AKT3: variants seen among roughly 807,000 people sequenced by gnomAD.
The protein encoded by AKT3 is RAC-gamma serine/threonine-protein kinase.
Under a neutral mutation model 65.3 loss-of-function variants are expected in AKT3, and 15 were observed. The observed-to-expected ratio is 0.23, with a 90% CI of 0.15 to 0.35. AKT3 has a LOEUF of 0.35. Ranked by LOEUF, AKT3 falls within the 10% of genes least tolerant of loss-of-function variation. The pLI is 1.00. For missense variants in AKT3, 243 were observed against 576.5 expected (o/e 0.42, Z 5.92); for synonymous variants, 206 against 183.8 (o/e 1.12, Z -0.98).
chr1:243,589,884 G>A (rs1676106687), intron 8 of AKT3, among the ~76,000 whole-genome samples: 1 of 152,086 alleles, frequency 6.6e-6, no homozygotes, highest in African/African-American at 2.4e-5. Context: ...TGAAAATGTG[G>A]TATATTTATA....
chr1:243,772,084 C>T (rs1690221266), intron 2 of AKT3, among the ~76,000 whole-genome samples: 1 of 152,170 alleles, frequency 6.6e-6, no homozygotes, highest in Non-Finnish European at 1.5e-5. Flanking sequence ...ACCATAAAAA[C>T]CCTAGAAGAA....
Position 243,850,080 on chromosome 1 carries a change from C to T in AKT3, c.-153G>A, listed in dbSNP as rs1695702859. 7 of 634,104 alleles carry T rather than the reference C, an allele frequency of 1.1e-5. No homozygotes were observed. Among genetic ancestry groups the T allele is most frequent in the South Asian group, 7.2e-5 (1 of 13,908 alleles). 39.3% of individuals were successfully genotyped at this position (634,104 alleles called of 1,614,324 possible). ...CGGCGGTGGCGGCCCCGCAGCTGCT[C>T]GGGCGGCGGCGGAGGATGGAGCCGG... is the stretch of plus-strand genomic sequence containing the variant. On this transcript the variant is annotated 5_prime_UTR_variant, in exon 1 of 14. Coordinates refer to ENST00000673466, the MANE Select transcript of AKT3 (RefSeq NM_005465.7).
intron 2 of AKT3, among the ~76,000 whole-genome samples, chr1:243,837,634 GA>G (rs1424896083): frequency 3.3e-5 from 5 of 151,958 alleles, no homozygotes; most frequent in South Asian, 2.1e-4. Flanking sequence ...AGAATAAAAG[GA>G]AAAAATCAAA....
Position 243,687,755 on chromosome 1 carries a change from A to C in AKT3, c.172+7836T>G, listed in dbSNP as rs192154890. ...AGAAGGAAATATGTGACATTGTTAC[A>C]TTATAGTTTTCTTAAAAATGATCTC... On this transcript the variant is annotated intron_variant, in intron 3 of 13. Coordinates refer to ENST00000673466, the MANE Select transcript of AKT3 (RefSeq NM_005465.7). 18 of 152,296 alleles carry C rather than the reference A, an allele frequency of 1.2e-4. No individual in the cohort carries two copies. The East Asian group carries it at 3.5e-3, about 29-fold the overall frequency. The allele number at this position is 152,296 out of a possible 1,614,324, so 9.4% of individuals were successfully genotyped here.
At chr1:243,522,716 T>TAC (rs1670797939) in intron 12 of AKT3, among the ~76,000 whole-genome samples, 1 of 152,106 alleles carries the variant, frequency 6.6e-6, no homozygotes, top group Admixed American at 6.5e-5. Flanking sequence ...TTTCAATAGA[T>TAC]ACACACACAT....
chr1:243,849,363 C>G (rs562582457), intron 1 of AKT3, among the ~76,000 whole-genome samples: 3 of 151,710 alleles, frequency 2.0e-5, no homozygotes, highest in Admixed American at 1.3e-4. Context: ...CAGACAAGCA[C>G]GTTACCCACC....
intron 11 of AKT3, among the ~76,000 whole-genome samples, chr1:243,545,951 G>A (rs185097316): frequency 2.4e-4 from 37 of 152,234 alleles, no homozygotes; most frequent in Non-Finnish European, 4.7e-4. Flanking sequence ...CACTGCAAGG[G>A]TTAGAAACAA....
chr1:243,521,673 G>A (rs1448008467), intron 12 of AKT3, among the ~76,000 whole-genome samples: 1 of 152,102 alleles, frequency 6.6e-6, no homozygotes, highest in African/African-American at 2.4e-5. Context: ...GGGGCCCAAG[G>A]TATATAACAA....
At chr1:243,546,165 G>T (rs972899134) in intron 11 of AKT3, among the ~76,000 whole-genome samples, 1 of 152,158 alleles carries the variant, frequency 6.6e-6, no homozygotes, top group Non-Finnish European at 1.5e-5. Flanking sequence ...ACATGCCCTT[G>T]CCTGCTGCCC....
At chr1:243,550,916 G>A (rs1382964919) in intron 11 of AKT3, among the ~76,000 whole-genome samples, 2 of 116,570 alleles carry the variant, frequency 1.7e-5, no homozygotes, top group Admixed American at 1.2e-4. Flanking sequence ...CCGAGATTGC[G>A]CCACTGCACT....
chr1:243,725,430 C>T (rs1200278636), intron 2 of AKT3, among the ~76,000 whole-genome samples: 1 of 151,728 alleles, frequency 6.6e-6, no homozygotes, highest in Non-Finnish European at 1.5e-5. Context: ...TGCAAAGATG[C>T]AGGAAAAAAA....
intron 11 of AKT3, among the ~76,000 whole-genome samples, chr1:243,549,264 G>A (rs1326651090): frequency 1.3e-5 from 2 of 152,110 alleles, no homozygotes; most frequent in African/African-American, 4.8e-5. Flanking sequence ...GCCCCATCAA[G>A]CCTCCTTGGT....
intron 2 of AKT3, among the ~76,000 whole-genome samples, chr1:243,759,774 C>A (rs1187823627): frequency 6.6e-6 from 1 of 152,002 alleles, no homozygotes; most frequent in Non-Finnish European, 1.5e-5. Context: ...ACGAAAATCA[C>A]AAGGCAGGAG....
chr1:243,687,960 T>C (rs1264800299), intron 3 of AKT3: 3 of 152,160 alleles, frequency 2.0e-5, no homozygotes, highest in Non-Finnish European at 4.4e-5. Flanking sequence ...TACAGTGGGA[T>C]ACACCTGTTA....
intron 2 of AKT3, among the ~76,000 whole-genome samples, chr1:243,810,035 G>A (rs559184066): frequency 3.2e-4 from 49 of 152,276 alleles, no homozygotes; most frequent in Admixed American, 5.9e-4. Context: ...TCAAAGCAGC[G>A]TGTAGAGGGA....
chr1:243,814,495 T>C (rs1256999548), intron 2 of AKT3: 1 of 152,220 alleles, frequency 6.6e-6, no homozygotes, highest in Non-Finnish European at 1.5e-5. Context: ...AAAACTCTTC[T>C]TACCAATGTT....
chr1:243,738,698 AC>A (rs1687979711), intron 2 of AKT3, among the ~76,000 whole-genome samples: 2 of 152,214 alleles, frequency 1.3e-5, no homozygotes, highest in Admixed American at 6.5e-5. Context: ...AAGATGGTAA[AC>A]CATTACACAC....
Position 243,504,639 on chromosome 1 carries a change from TA to T in AKT3, c.*609del. 6.6e-6 allele frequency: 1 copy of T among 152,576 alleles called. No individual in the cohort carries two copies. The highest frequency in any genetic ancestry group is 1.3e-5 in the Non-Finnish European group (1 of 75,922). The allele number at this position is 152,576 out of a possible 1,614,324, so 9.5% of individuals were successfully genotyped here. ...CCAGGAATTTAAAAAAAAAAAATTATATATATATATATATATCCCAACAGTT... is the reference window on the plus strand; with the variant it reads ...CCAGGAATTTAAAAAAAAAAAATTATTATATATATATATATCCCAACAGTT... On this transcript the variant is annotated 3_prime_UTR_variant, in exon 14 of 14. Coordinates refer to ENST00000673466, the MANE Select transcript of AKT3 (RefSeq NM_005465.7).
intron 2 of AKT3, among the ~76,000 whole-genome samples, chr1:243,709,542 T>C (rs1172976991): frequency 2.6e-5 from 4 of 151,934 alleles, no homozygotes; most frequent in Non-Finnish European, 4.4e-5. Flanking sequence ...TTTTTAAAAT[T>C]TGAACTACTA....
Sources: gnomAD v4.1 joint callset for allele counts (sites outside exome capture counted in the v4.1 genomes callset) on GRCh38, gnomAD v4.1.1 for gene constraint, MANE v1.5 for transcripts, NCBI Gene and HGNC (gene_info 2026-07-23, HGNC 2026-07-21) for gene names.